PDS5A: variants seen among roughly 807,000 people sequenced by gnomAD.
PDS5A encodes sister chromatid cohesion protein PDS5 homolog A.
Under a neutral mutation model 167.1 loss-of-function variants are expected in PDS5A, and 42 were observed. The ratio of observed to expected loss-of-function variants is 0.25; its 90% CI spans 0.20 to 0.33. PDS5A has a LOEUF of 0.33. PDS5A is among the 10% of genes least tolerant of loss of function. The probability of loss-of-function intolerance (pLI) is 1.00; values close to 1 mark genes in which losing one functional copy is unlikely to be tolerated. For synonymous variants in PDS5A, 553 were observed against 554.6 expected, an observed-to-expected ratio of 1.00 and a Z score of 0.04; for missense variants, 1,033 against 1,605.9, an observed-to-expected ratio of 0.64 and a Z score of 6.10.
chr4:39,905,099 G>A (rs189545097), intron 11 of PDS5A, among the ~76,000 whole-genome samples: 67 of 152,224 alleles, frequency 4.4e-4, no homozygotes, highest in Admixed American at 2.5e-3. Context: ...AGGACTTGGG[G>A]AACTGACTAC....
intron 8 of PDS5A, among the ~76,000 whole-genome samples, chr4:39,915,532 G>T (rs1050992600): frequency 6.6e-6 from 1 of 151,424 alleles, no homozygotes; most frequent in Non-Finnish European, 1.5e-5. Flanking sequence ...GCTAATTTCT[G>T]TATTTTTTGT....
chr4:39,961,981 T>A (rs982345822), intron 2 of PDS5A, among the ~76,000 whole-genome samples: 3 of 152,220 alleles, frequency 2.0e-5, no homozygotes, highest in Admixed American at 2.0e-4. Context: ...TCAACATTAT[T>A]TCTGTTATTA....
At chr4:39,920,253 C>G in intron 7 of PDS5A, 66 bp downstream of exon 7, 1 of 685,850 alleles carries the variant, frequency 1.5e-6, no homozygotes, top group Admixed American at 2.7e-5. Context: ...GTAAGAGGTT[C>G]TAATAAATTA....
intron 32 of PDS5A, among the ~76,000 whole-genome samples, chr4:39,829,506 G>T (rs1201953059): frequency 1.3e-5 from 2 of 151,852 alleles, no homozygotes; most frequent in East Asian, 3.9e-4. Flanking sequence ...AAATTAGCTG[G>T]TGTGGTGGCA....
At chr4:39,903,781 T>G (rs936610499) in intron 12 of PDS5A, among the ~76,000 whole-genome samples, 2 of 152,200 alleles carry the variant, frequency 1.3e-5, no homozygotes, top group Non-Finnish European at 2.9e-5. Context: ...ACATTTGGTC[T>G]CTAACTCCAA....
intron 21 of PDS5A, among the ~76,000 whole-genome samples, chr4:39,869,980 A>G (rs1719883539): frequency 6.6e-6 from 1 of 152,034 alleles, no homozygotes; most frequent in African/African-American, 2.4e-5. Flanking sequence ...ATGGTGGTGC[A>G]TGCCTGTAGT....
chr4:39,946,419 T>A (rs1727775101), intron 2 of PDS5A, among the ~76,000 whole-genome samples: 1 of 151,662 alleles, frequency 6.6e-6, no homozygotes, highest in African/African-American at 2.4e-5. Context: ...GAAGCAGAAG[T>A]GGGCATCGCC....
chr4:39,881,171 A>C (rs935741988), intron 17 of PDS5A, among the ~76,000 whole-genome samples: 2 of 151,974 alleles, frequency 1.3e-5, no homozygotes, highest in Admixed American at 6.6e-5. Flanking sequence ...TATTCCATTT[A>C]TTTATGTACC....
intron 28 of PDS5A, 183 bp from the exon 29 acceptor site, chr4:39,846,063 A>G (rs1717564137): frequency 4.1e-6 from 2 of 482,514 alleles, no homozygotes; most frequent in South Asian, 1.9e-4. Context: ...GTCTAGCTTT[A>G]AATTAAACTG....
intron 9 of PDS5A, among the ~76,000 whole-genome samples, chr4:39,911,628 C>T (rs977635748): frequency 6.6e-6 from 1 of 151,852 alleles, no homozygotes; most frequent in African/African-American, 2.4e-5. Context: ...GTCGGGAGAT[C>T]AAGACCATCC....
At chr4:39,851,495 G>A (rs1274243742) in intron 26 of PDS5A, among the ~76,000 whole-genome samples, 1 of 152,068 alleles carries the variant, frequency 6.6e-6, no homozygotes, top group Non-Finnish European at 1.5e-5. Context: ...TCGCCAGGTT[G>A]CCGACTGGTC....
rs776581676 is a variant in PDS5A at position 39,928,163 on chromosome 4, A to G, written c.140T>C (p.Met47Thr). 3.8e-6 allele frequency: 6 copies of G among 1,591,164 alleles called. No homozygotes were observed. The highest frequency in any genetic ancestry group is 5.2e-6 in the Non-Finnish European group (6 of 1,161,814). Reference sequence around the variant, plus strand: ...CATATCCATAAAGGTTTTCACTACCATCTGTAAAAATGTACAAAAACACAA... The same window carrying G: ...CATATCCATAAAGGTTTTCACTACCGTCTGTAAAAATGTACAAAAACACAA... ...TTDEMIKRLKMVVKTFMDMDQ... is the reference protein window; with the variant it reads ...TTDEMIKRLKTVVKTFMDMDQ... The change falls in exon 3 of 33, where the codon ATG becomes ACG. Residue 47 changes from methionine to threonine, a missense_variant and splice_region_variant. Coordinates refer to ENST00000303538, the MANE Select transcript of PDS5A (RefSeq NM_001100399.2).
intron 32 of PDS5A, among the ~76,000 whole-genome samples, chr4:39,833,059 C>T (rs934991945): frequency 5.4e-5 from 8 of 148,274 alleles, no homozygotes; most frequent in Admixed American, 2.0e-4. Flanking sequence ...GGTGTGGTGG[C>T]GGGCGCCTGT....
At chr4:39,964,530 C>T (rs146746075) in intron 2 of PDS5A, among the ~76,000 whole-genome samples, 20 of 152,136 alleles carry the variant, frequency 1.3e-4, no homozygotes, top group African/African-American at 4.8e-4. Context: ...GTAGAGCGAC[C>T]CCCAAAACTA....
chr4:39,849,741 G>GAATAA (rs1042819042), intron 26 of PDS5A, 89 bp from the exon 27 acceptor site: 4 of 762,058 alleles, frequency 5.2e-6, no homozygotes, highest in African/African-American at 1.7e-5. Context: ...TCTGTTGTCT[G>GAATAA]AATAAAATAA....
At chr4:39,925,704 TTTATG>T (rs1440513438) in intron 5 of PDS5A, 127 bp downstream of exon 5, 5 of 369,672 alleles carry the variant, frequency 1.4e-5, no homozygotes, top group Non-Finnish European at 2.5e-5. Context: ...TACTTTCCCC[TTTATG>T]TTAAGTTTTC....
intron 2 of PDS5A, among the ~76,000 whole-genome samples, chr4:39,945,458 C>CAAAAAAA (rs1210256217): frequency 1.3e-3 from 90 of 66,796 alleles, no homozygotes; most frequent in Admixed American, 3.2e-3. Context: ...GAGACTGCCT[C>CAAAAAAA]AAAAAAAAAA....
At chr4:39,835,708 A>C (rs2109478010) in intron 32 of PDS5A, among the ~76,000 whole-genome samples, 2 of 152,226 alleles carry the variant, frequency 1.3e-5, no homozygotes, top group South Asian at 4.2e-4. Context: ...TTTTTAGTAG[A>C]AATGGGGTTT....
intron 18 of PDS5A, among the ~76,000 whole-genome samples, chr4:39,878,545 C>T (rs1356089205): frequency 1.3e-5 from 2 of 151,684 alleles, no homozygotes; most frequent in South Asian, 4.2e-4. Flanking sequence ...TGCAGTGAGC[C>T]GAGATCATGC....
Sources: allele counts gnomAD v4.1 joint callset (sites outside exome capture counted in the v4.1 genomes callset), GRCh38; gene constraint gnomAD v4.1.1; transcripts MANE v1.5; gene names NCBI Gene and HGNC (gene_info 2026-07-23, HGNC 2026-07-21).